XPO5: variants seen among roughly 807,000 people sequenced by gnomAD.
The protein encoded by XPO5 is exportin 5.
In XPO5, 46 loss-of-function variants were observed where a neutral mutation model predicts 160.6. The ratio of observed to expected loss-of-function variants is 0.29; its 90% CI spans 0.23 to 0.37. The LOEUF is 0.37. Ranked by LOEUF, XPO5 falls within the 10% of genes least tolerant of loss-of-function variation. The probability of loss-of-function intolerance (pLI) is 1.00; values close to 1 mark genes in which losing one functional copy is unlikely to be tolerated. For missense variants in XPO5, 1,090 were observed against 1,463.9 expected (o/e 0.74, Z 4.17); for synonymous variants, 537 against 519.3 (o/e 1.03, Z -0.46).
intron 3 of XPO5, among the ~76,000 whole-genome samples, chr6:43,572,199 T>C (rs1296202736): frequency 2.0e-5 from 3 of 152,192 alleles, no homozygotes; most frequent in African/African-American, 7.2e-5. Context: ...CACCTCAGCC[T>C]CCTGAGTAGC....
chr6:43,548,001 T>C (rs1471892564), intron 18 of XPO5, among the ~76,000 whole-genome samples: 1 of 152,226 alleles, frequency 6.6e-6, no homozygotes, highest in Admixed American at 6.5e-5. Context: ...TGTATGGCCC[T>C]TCCTAGCTGT....
At position 43,555,694 on chromosome 6, in the gene XPO5, T is replaced by C. The variant is rs985141869; in HGVS notation, c.1441+142A>G. 4 of 1,012,826 alleles carry C rather than the reference T, an allele frequency of 3.9e-6. No individual in the cohort carries two copies. The African/African-American group carries it at 6.5e-5, about 16-fold the overall frequency. 62.7% of individuals were successfully genotyped at this position (1,012,826 alleles called of 1,614,324 possible). A position where few individuals can be genotyped will look rare whatever the true frequency, so the allele number is the denominator to read the frequency against. On this transcript the variant is annotated intron_variant, in intron 13 of 31. Coordinates refer to ENST00000265351, the MANE Select transcript of XPO5 (RefSeq NM_020750.3). Reference sequence around the variant, plus strand: ...TCTTTGTGTCAGCCAATGAAAACGCTCCCTCTCCAGGATGAGCAAAGCTAT... The same window carrying C: ...TCTTTGTGTCAGCCAATGAAAACGCCCCCTCTCCAGGATGAGCAAAGCTAT...
At chr6:43,569,310 A>AC (rs1561887029) in intron 5 of XPO5, among the ~76,000 whole-genome samples, 3 of 144,404 alleles carry the variant, frequency 2.1e-5, no homozygotes, top group African/African-American at 5.2e-5. Flanking sequence ...AAAAAACAAC[A>AC]AAAAAAAATA....
rs141053093 is a variant in XPO5, at chr6:43,558,810, C to T, written c.1222-219G>A. On this transcript the variant is annotated intron_variant, in intron 11 of 31. Transcript: ENST00000265351. ...GAAAAGAGAATACTTTTAGTTGATA[C>T]CATCCTCCAAGTTCCTCAGGGAGAA... 1.9e-4 allele frequency: 83 copies of T among 436,364 alleles called. No homozygotes were observed. The East Asian group carries it at 3.0e-3, about 16-fold the overall frequency. The allele number at this position is 436,364 out of a possible 1,614,324, so 27.0% of individuals were successfully genotyped here. A position where few individuals can be genotyped will look rare whatever the true frequency, so the allele number is the denominator to read the frequency against.
intron 20 of XPO5, among the ~76,000 whole-genome samples, 185 bp from the exon 21 acceptor site, chr6:43,534,192 T>C (rs1399639387): frequency 1.3e-5 from 2 of 152,176 alleles, no homozygotes; most frequent in Non-Finnish European, 2.9e-5. Flanking sequence ...TGTATAGATA[T>C]AATTATCTTA....
intron 20 of XPO5, among the ~76,000 whole-genome samples, chr6:43,542,891 A>C (rs1259319165): frequency 6.6e-6 from 1 of 152,204 alleles, no homozygotes; most frequent in African/African-American, 2.4e-5. Context: ...AATTATATAT[A>C]TATGTTCACA....
At chr6:43,570,437 T>G in intron 5 of XPO5, 65 bp downstream of exon 5, 2 of 1,480,350 alleles carry the variant, frequency 1.4e-6, no homozygotes, top group South Asian at 2.8e-5. Context: ...AGTTCCTTAC[T>G]GTAAGATTAA....
intron 1 of XPO5, among the ~76,000 whole-genome samples, chr6:43,573,963 G>T (rs1170986829): frequency 6.6e-6 from 1 of 151,432 alleles, no homozygotes; most frequent in South Asian, 2.1e-4. Flanking sequence ...CCATGTAGCT[G>T]GGACTACAAG....
At chr6:43,548,874 T>G (rs1795093731) in intron 17 of XPO5, among the ~76,000 whole-genome samples, 1 of 152,092 alleles carries the variant, frequency 6.6e-6, no homozygotes. Context: ...GCATCTGCTT[T>G]TCTCAAGATC....
rs745435024 is a variant in XPO5 at position 43,546,579 on chromosome 6, C to A, written c.2334G>T (p.Ala778=). 5 of 1,607,516 alleles carry A rather than the reference C, an allele frequency of 3.1e-6. No homozygotes were observed. Among genetic ancestry groups the A allele is most frequent in the Non-Finnish European group, 2.5e-6 (3 of 1,178,014 alleles). Residue 778 remains alanine, a synonymous_variant, in exon 20 of 32, where the codon GCG becomes GCT. Transcript: ENST00000265351. The stretch of plus-strand genomic sequence containing the variant: ...CCATTATTCTGACTCACCTTATAAG[C>A]GCAAGCAAATTGTCAAGAAGTTTCA... ...QILKLLDNLL[A]LIRTHNTLYA...
chr6:43,560,256 A>T lies in XPO5; in HGVS notation c.1143T>A (p.His381Gln). ...TQMTWGALFR[H>Q]EILSRDPLLL... ...GCAAAGGATCACGGGACAGGATTTC[A>T]TGCCTGAAGAGGGCTCCCCAAGTCA... The change falls in exon 11 of 32, where the codon CAT (histidine) becomes CAA (glutamine). Residue 381 changes from histidine to glutamine, a missense_variant. Coordinates refer to ENST00000265351, the MANE Select transcript of XPO5 (RefSeq NM_020750.3). 6.2e-7 allele frequency: 1 copy of T among 1,612,356 alleles called. No homozygotes were observed. The highest frequency in any genetic ancestry group is 8.5e-7 in the Non-Finnish European group (1 of 1,179,102).
chr6:43,575,894 C>G lies in XPO5; in HGVS notation c.-30G>C, dbSNP rs748523694. On this transcript the variant is annotated 5_prime_UTR_variant, in exon 1 of 32. Coordinates refer to ENST00000265351, the MANE Select transcript of XPO5 (RefSeq NM_020750.3). ...AGCGCCACGCGCCGAGAGCGCACAC[C>G]ACTGCAGTCCCGGGACCACGAGGCA... 6.2e-7 allele frequency: 1 copy of G among 1,605,632 alleles called. No individual in the cohort carries two copies. Among genetic ancestry groups the G allele is most frequent in the African/African-American group, 1.3e-5 (1 of 74,748 alleles).
rs941228411 is a variant in XPO5 at position 43,529,000 on chromosome 6, G to A, written c.2678-75C>T. 5.8e-6 allele frequency: 8 copies of A among 1,379,618 alleles called. No individual in the cohort carries two copies. In the African/African-American group the frequency reaches 8.7e-5, roughly 15 times the overall value. 85.5% of individuals were successfully genotyped at this position (1,379,618 alleles called of 1,614,324 possible). The stretch of plus-strand genomic sequence containing the variant: ...CTGCCAGGTGGTGGGTTGCACCCCT[G>A]GGCAGAATCAATCCCTAAAGGATTT... On this transcript the variant is annotated intron_variant, in intron 23 of 31. Transcript: ENST00000265351.
At chr6:43,567,063 A>G (rs890659528) in intron 7 of XPO5, 106 bp downstream of exon 7, 4 of 1,291,420 alleles carry the variant, frequency 3.1e-6, no homozygotes, top group Admixed American at 6.0e-5. Context: ...GGCCCCAAGG[A>G]AAAAAACCCA....
intron 20 of XPO5, chr6:43,539,770 T>G (rs530671942): frequency 4.2e-5 from 25 of 588,486 alleles, no homozygotes; most frequent in African/African-American, 4.1e-4. Context: ...AAGAGATAAA[T>G]TATCTGTTCC....
intron 26 of XPO5, 46 bp from the exon 27 acceptor site, chr6:43,526,793 T>G: frequency 6.3e-7 from 1 of 1,583,168 alleles, no homozygotes; most frequent in Non-Finnish European, 8.6e-7. Context: ...GGGTATATAC[T>G]ACCACAACAG....
intron 22 of XPO5, 120 bp downstream of exon 22, chr6:43,531,359 T>G (rs1167482454): frequency 1.1e-6 from 1 of 878,518 alleles, no homozygotes; most frequent in Non-Finnish European, 1.8e-6. Flanking sequence ...GAATGATAAG[T>G]TTCCTATCAA....
chr6:43,527,960 G>GC (rs1416882402), intron 25 of XPO5, among the ~76,000 whole-genome samples, 199 bp downstream of exon 25: 1 of 152,192 alleles, frequency 6.6e-6, no homozygotes, highest in Non-Finnish European at 1.5e-5. Flanking sequence ...GGTAACAGTA[G>GC]CCCCTATGAA....
In XPO5 at chr6:43,523,908, T is replaced by C. The variant is rs1206919294; in HGVS notation, c.3575A>G (p.Asp1192Gly). Residue 1192 changes from aspartate (D) to glycine (G), a missense_variant, in exon 32 of 32, where the codon GAC becomes GGC. Around this residue, in one of 3 missense-constraint regions of XPO5, gnomAD observed 810 missense variants for 1,139.0 expected, o/e 0.71. Transcript: ENST00000265351. The stretch of plus-strand genomic sequence containing the variant: ...GGTGGCCAGGCCACCCCCATCATTG[T>C]CCAGCACCTCCGTCTCCAGCATTGG... ...TKPMLETEVL[D>G]NDGGGLATIF... The C allele has an allele frequency of 1.2e-6, 2 of 1,614,030 alleles. No homozygotes were observed. The highest frequency in any genetic ancestry group is 8.5e-7 in the Non-Finnish European group (1 of 1,179,898).
Sources: allele counts gnomAD v4.1 joint callset (sites outside exome capture counted in the v4.1 genomes callset), GRCh38; gene constraint gnomAD v4.1.1; regional missense constraint gnomAD v4.1.1; transcripts MANE v1.5; gene names NCBI Gene and HGNC (gene_info 2026-07-23, HGNC 2026-07-21).